FAM20B: variants seen among roughly 807,000 people sequenced by gnomAD.
The protein encoded by FAM20B is glycosaminoglycan xylosylkinase.
In FAM20B, 23 loss-of-function variants were observed where a neutral mutation model predicts 43.8. The observed-to-expected ratio is 0.53, with a 90% CI of 0.38 to 0.74. FAM20B has a LOEUF of 0.74. Among genes scored for constraint, FAM20B ranks in the 30% least tolerant of loss-of-function variants. The probability of loss-of-function intolerance (pLI) is 0.00; values close to 1 mark genes in which losing one functional copy is unlikely to be tolerated. For missense variants in FAM20B, 440 were observed against 510.5 expected (o/e 0.86, Z 1.33); for synonymous variants, 178 against 192.4 (o/e 0.93, Z 0.62).
intron 1 of FAM20B, chr1:179,035,276 G>A (rs1216837850): frequency 3.3e-6 from 2 of 604,926 alleles, no homozygotes; most frequent in African/African-American, 1.9e-5. Flanking sequence ...CCAGAGAATG[G>A]TCTGTCTTCA....
chr1:179,043,619 C>G (rs1440348910), intron 1 of FAM20B, 96 bp from the exon 2 acceptor site: 2 of 452,148 alleles, frequency 4.4e-6, no homozygotes, highest in Admixed American at 7.5e-5. Context: ...AATAGAAAGC[C>G]TAAAAGGGTG....
upstream of FAM20B, among the ~76,000 whole-genome samples, chr1:179,023,308 G>A (rs949880542): frequency 3.3e-5 from 5 of 152,294 alleles, no homozygotes; most frequent in South Asian, 2.1e-4. Flanking sequence ...AAGGTACTTC[G>A]TATGAGGCAC....
intron 3 of FAM20B, among the ~76,000 whole-genome samples, chr1:179,051,188 CT>C (rs1356695513): frequency 6.6e-6 from 1 of 150,394 alleles, no homozygotes; most frequent in South Asian, 2.1e-4. Context: ...TAGGAAAATT[CT>C]TTTTTTTTCT....
chr1:179,048,738 A>G (rs1650881893), intron 2 of FAM20B, among the ~76,000 whole-genome samples: 1 of 152,212 alleles, frequency 6.6e-6, no homozygotes, highest in South Asian at 2.1e-4. Flanking sequence ...AAAAAATTAC[A>G]TTTGGGTATA....
At chr1:179,029,149 C>G (rs1572525285) in intron 1 of FAM20B, among the ~76,000 whole-genome samples, 1 of 152,326 alleles carries the variant, frequency 6.6e-6, no homozygotes, top group East Asian at 1.9e-4. Flanking sequence ...TGGCAATGGC[C>G]ATGTCAATAG....
At chr1:179,063,760 C>CT (rs1193125269) in intron 4 of FAM20B, among the ~76,000 whole-genome samples, 167 bp from the exon 5 acceptor site, 1 of 152,096 alleles carries the variant, frequency 6.6e-6, no homozygotes, top group African/African-American at 2.4e-5. Flanking sequence ...ACACCGTGTG[C>CT]TTTTTTATTA....
chr1:179,043,885 TC>T lies in FAM20B; in HGVS notation c.40del (p.Val15SerfsTer10). ...CAGCGAGTCGTGCTGTTAGCAATTC[TC>T]CTTGTCATTTTTATCTTCACCAAAG... ...LKQRVVLLAI[L>X]LVIFIFTKVF... is the part of the protein sequence containing the mutation. On this transcript the variant is annotated frameshift_variant, in exon 2 of 8. Transcript: ENST00000263733. LOFTEE classifies it high-confidence loss of function. The T allele has an allele frequency of 6.2e-7, 1 of 1,609,362 alleles. No individual in the cohort carries two copies. Among genetic ancestry groups the T allele is most frequent in the Non-Finnish European group, 8.5e-7 (1 of 1,175,904 alleles).
chr1:179,041,463 G>T (rs1174353770), intron 1 of FAM20B, among the ~76,000 whole-genome samples: 1 of 152,124 alleles, frequency 6.6e-6, no homozygotes, highest in African/African-American at 2.4e-5. Context: ...AGACCAGCCC[G>T]GCCAACACGG....
intron 1 of FAM20B, among the ~76,000 whole-genome samples, chr1:179,038,109 G>C (rs923117219): frequency 6.6e-6 from 1 of 152,116 alleles, no homozygotes; most frequent in African/African-American, 2.4e-5. Flanking sequence ...TGAGCAATAC[G>C]ATTAAAAGTT....
chr1:179,035,402 T>C, intron 1 of FAM20B: 1 of 709,154 alleles, frequency 1.4e-6, no homozygotes, highest in South Asian at 1.4e-5. Flanking sequence ...GATTGATTCC[T>C]GACTACTTTG....
chr1:179,040,630 C>CACCT (rs1650459413), intron 1 of FAM20B, among the ~76,000 whole-genome samples: 1 of 139,252 alleles, frequency 7.2e-6, no homozygotes, highest in Non-Finnish European at 1.5e-5. Flanking sequence ...AGGCGCCCCT[C>CACCT]ACCTCCCGGA....
chr1:179,040,065 A>T (rs189183853), intron 1 of FAM20B, among the ~76,000 whole-genome samples: 26 of 152,366 alleles, frequency 1.7e-4, no homozygotes, highest in African/African-American at 6.0e-4. Flanking sequence ...TCACAGATCA[A>T]CAGGATCCCA....
chr1:179,049,822 G>T (rs1001206116), intron 2 of FAM20B, among the ~76,000 whole-genome samples: 4 of 152,216 alleles, frequency 2.6e-5, no homozygotes, highest in African/African-American at 7.2e-5. Flanking sequence ...GATTACAGGT[G>T]TGAGCCACCG....
At chr1:179,062,207 C>G (rs1651493904) in intron 4 of FAM20B, among the ~76,000 whole-genome samples, 1 of 152,168 alleles carries the variant, frequency 6.6e-6, no homozygotes, top group African/African-American at 2.4e-5. Flanking sequence ...TATTTAGGAA[C>G]TACCCTGTGG....
At chr1:179,027,387 C>A (rs1649832798) in intron 1 of FAM20B, among the ~76,000 whole-genome samples, 4 of 152,142 alleles carry the variant, frequency 2.6e-5, no homozygotes, top group Admixed American at 2.6e-4. Context: ...AAATATGATT[C>A]GTTATCACGA....
rs763573537 is a variant in FAM20B at position 179,054,652 on chromosome 1, A to G, written c.574+14A>G. 3.3e-6 allele frequency: 5 copies of G among 1,504,876 alleles called. No individual in the cohort carries two copies. The highest frequency in any genetic ancestry group is 3.4e-5 in the Admixed American group (2 of 59,558). 93.2% of individuals were successfully genotyped at this position (1,504,876 alleles called of 1,614,324 possible). ...TCCTAACTGTAGGTAAGAAGATTGT[A>G]GAGGACATTTATATAGGGGAATGAT... On this transcript the variant is annotated intron_variant, in intron 4 of 7. Coordinates refer to ENST00000263733, the MANE Select transcript of FAM20B (RefSeq NM_014864.4).
intron 1 of FAM20B, among the ~76,000 whole-genome samples, chr1:179,028,432 A>G (rs1649879606): frequency 6.6e-6 from 1 of 152,184 alleles, no homozygotes; most frequent in Admixed American, 6.5e-5. Flanking sequence ...AAATACAAAA[A>G]TTAGCTGTGC....
rs143898157 is a variant in FAM20B, at chr1:179,035,341, C to T, written c.-133-8374C>T. Reference sequence around the variant, plus strand: ...CTTTGGTGGGGGTCGTGGGGCAGCACCCACAGGTCTAAATCGGGGTAGGGG... The same window carrying T: ...CTTTGGTGGGGGTCGTGGGGCAGCATCCACAGGTCTAAATCGGGGTAGGGG... On this transcript the variant is annotated intron_variant, in intron 1 of 7. Transcript: ENST00000263733. The T allele has an allele frequency of 2.0e-3, 1,378 of 689,362 alleles. 15 individuals are homozygous for T. In the African/African-American group the frequency reaches 0.021, roughly 10 times the overall value. 42.7% of individuals were successfully genotyped at this position (689,362 alleles called of 1,614,324 possible). A position where few individuals can be genotyped will look rare whatever the true frequency, so the allele number is the denominator to read the frequency against.
intron 3 of FAM20B, among the ~76,000 whole-genome samples, chr1:179,053,605 T>C (rs1365191727): frequency 6.6e-6 from 1 of 152,238 alleles, no homozygotes; most frequent in Non-Finnish European, 1.5e-5. Flanking sequence ...TGGATTTCTA[T>C]GTTATTTTGA....
Sources: gnomAD v4.1 joint callset for allele counts (sites outside exome capture counted in the v4.1 genomes callset) on GRCh38, gnomAD v4.1.1 for gene constraint, MANE v1.5 for transcripts, NCBI Gene and HGNC (gene_info 2026-07-23, HGNC 2026-07-21) for gene names.